Variants in TRPM3 observed in about 807,000 individuals in gnomAD.
The protein encoded by TRPM3 is long transient receptor potential channel 3.
In TRPM3, 77 loss-of-function variants were observed where a neutral mutation model predicts 181.2. That is an observed-to-expected ratio of 0.42 (90% CI 0.35 to 0.51). TRPM3 has a LOEUF of 0.51. Ranked by LOEUF, TRPM3 falls within the 20% of genes least tolerant of loss-of-function variation. The probability of loss-of-function intolerance (pLI) is 0.01; values close to 1 mark genes in which losing one functional copy is unlikely to be tolerated. For missense variants in TRPM3, 1,759 were observed against 2,196.7 expected, an observed-to-expected ratio of 0.80 and a Z score of 3.98; for synonymous variants, 745 against 796.4, an observed-to-expected ratio of 0.94 and a Z score of 1.09.
chr9:70,699,835 T>TGCAGGGGCAAA (rs2071827200), intron 8 of TRPM3, among the ~76,000 whole-genome samples: 1 of 152,106 alleles, frequency 6.6e-6, no homozygotes. Flanking sequence ...GTGGTTGTGA[T>TGCAGGGGCAAA]GCAGGGGCAA....
At chr9:71,385,579 GACC>G (rs1229402442) in intron 1 of TRPM3, among the ~76,000 whole-genome samples, 1 of 152,100 alleles carries the variant, frequency 6.6e-6, no homozygotes, top group Non-Finnish European at 1.5e-5. Flanking sequence ...GTTGCAACCA[GACC>G]ACAACACTCA....
chr9:71,309,286 A>G (rs1276078464), intron 1 of TRPM3, among the ~76,000 whole-genome samples: 1 of 152,154 alleles, frequency 6.6e-6, no homozygotes, highest in Non-Finnish European at 1.5e-5. Context: ...TTTGTTTCGT[A>G]TTCATGGCAG....
chr9:71,346,236 G>A (rs75384902), intron 1 of TRPM3, among the ~76,000 whole-genome samples: 1 of 152,034 alleles, frequency 6.6e-6, no homozygotes, highest in African/African-American at 2.4e-5. Context: ...AGGATGAATC[G>A]TTAAAGTATC....
chr9:70,605,634 T>C (rs1390427637), intron 19 of TRPM3, among the ~76,000 whole-genome samples: 3 of 152,238 alleles, frequency 2.0e-5, no homozygotes, highest in East Asian at 3.9e-4. Context: ...ACCATTATTA[T>C]ACACTGGCAT....
chr9:71,134,334 G>A (rs181658601), intron 1 of TRPM3, among the ~76,000 whole-genome samples: 2 of 151,882 alleles, frequency 1.3e-5, no homozygotes, highest in Admixed American at 6.6e-5. Context: ...GGAGGCCAAG[G>A]GGGGAGGATC....
At position 71,420,779 on chromosome 9, in the gene TRPM3, GAGAGAGAAAGAGAGAGAAAGAA is replaced by G. The variant is rs1302246763; in HGVS notation, c.183+25852_183+25873del. On this transcript the variant is annotated intron_variant, in intron 1 of 24. Coordinates refer to the TRPM3 transcript ENST00000357533. The stretch of plus-strand genomic sequence containing the variant: ...AGAAAGAGAGAGAAAGAGAGAGAAA[GAGAGAGAAAGAGAGAGAAAGAA>G]AGAGAGAAAGAAAGAGAGAAAGAGA... Among the ~76,000 whole-genome samples, 41 of 85,622 alleles carry G rather than the reference GAGAGAGAAAGAGAGAGAAAGAA, an allele frequency of 4.8e-4. 2 individuals carry two copies. The highest frequency in any genetic ancestry group is 1.7e-3 in the African/African-American group (37 of 21,288). 56.2% of individuals were successfully genotyped at this position (85,622 alleles called of 152,430 possible). A position where few individuals can be genotyped will look rare whatever the true frequency, so the allele number is the denominator to read the frequency against.
chr9:71,099,477 TA>T (rs2067929403), intron 1 of TRPM3, among the ~76,000 whole-genome samples: 1 of 152,158 alleles, frequency 6.6e-6, no homozygotes, highest in Non-Finnish European at 1.5e-5. Flanking sequence ...CCATTATATT[TA>T]ACTCATAATC....
intron 1 of TRPM3, among the ~76,000 whole-genome samples, chr9:71,231,829 C>T (rs2131908267): frequency 6.6e-6 from 1 of 152,314 alleles, no homozygotes; most frequent in East Asian, 1.9e-4. Context: ...CCACCAGGTA[C>T]TACGCTCACT....
At chr9:71,210,919 C>T (rs1327876762) in intron 1 of TRPM3, among the ~76,000 whole-genome samples, 1 of 152,214 alleles carries the variant, frequency 6.6e-6, no homozygotes, top group African/African-American at 2.4e-5. Flanking sequence ...AGAAGGCATA[C>T]ACTCTGGTGT....
At chr9:71,224,785 A>T (rs1053056762) in intron 1 of TRPM3, among the ~76,000 whole-genome samples, 7 of 149,738 alleles carry the variant, frequency 4.7e-5, no homozygotes, top group Non-Finnish European at 8.9e-5. Flanking sequence ...TCTCTAAAAG[A>T]AAAAAAAAAG....
intron 9 of TRPM3, among the ~76,000 whole-genome samples, chr9:70,681,139 C>G (rs141166026): frequency 2.0e-5 from 3 of 152,166 alleles, no homozygotes; most frequent in African/African-American, 7.2e-5. Context: ...ATCACACACA[C>G]ATATACTCAC....
At chr9:70,985,801 T>C (rs1286518817) in intron 1 of TRPM3, among the ~76,000 whole-genome samples, 1 of 152,114 alleles carries the variant, frequency 6.6e-6, no homozygotes, top group Non-Finnish European at 1.5e-5. Flanking sequence ...AATAAATCTT[T>C]TATAAAAAGA....
At chr9:70,775,520 G>A (rs567303843) in intron 7 of TRPM3, 31 of 152,284 alleles carry the variant, frequency 2.0e-4, no homozygotes, top group African/African-American at 7.5e-4. Context: ...GCAAAGGAAT[G>A]TGATCTTGAC....
At chr9:71,125,137 G>A (rs779517161), upstream of TRPM3, among the ~76,000 whole-genome samples, 7 of 152,258 alleles carry the variant, frequency 4.6e-5, no homozygotes, top group South Asian at 4.1e-4. Flanking sequence ...TAATATTAAC[G>A]TCTTGCTTGC....
At chr9:70,769,261 T>C (rs1272535746) in intron 7 of TRPM3, among the ~76,000 whole-genome samples, 1 of 152,136 alleles carries the variant, frequency 6.6e-6, no homozygotes. Context: ...CCATAAATAC[T>C]GAATCTCCCA....
At chr9:70,779,725 TCTTTAA>T (rs1374910108) in intron 7 of TRPM3, among the ~76,000 whole-genome samples, 3 of 152,226 alleles carry the variant, frequency 2.0e-5, no homozygotes, top group Admixed American at 6.5e-5. Flanking sequence ...AGCATGAATC[TCTTTAA>T]CTTTGTCATG....
intron 1 of TRPM3, among the ~76,000 whole-genome samples, chr9:71,089,746 G>C (rs1027493020): frequency 6.6e-6 from 1 of 152,112 alleles, no homozygotes; most frequent in Non-Finnish European, 1.5e-5. Context: ...AAGAAGCTCA[G>C]TGTCTCGTGA....
At chr9:70,917,044 G>A (rs530737591) in intron 1 of TRPM3, 524 of 1,586,542 alleles carry the variant, frequency 3.3e-4, no homozygotes, top group Middle Eastern at 6.7e-4. Context: ...CTGGTATGTC[G>A]CTAAGGCAAG....
At chr9:70,817,482 T>C (rs962119569) in intron 6 of TRPM3, among the ~76,000 whole-genome samples, 5 of 152,194 alleles carry the variant, frequency 3.3e-5, no homozygotes, top group African/African-American at 1.2e-4. Flanking sequence ...CCTGTCTCAT[T>C]GAAGCATCTA....
Sources: allele counts gnomAD v4.1 joint callset (sites outside exome capture counted in the v4.1 genomes callset), GRCh38; gene constraint gnomAD v4.1.1; transcripts MANE v1.5; gene names NCBI Gene and HGNC (gene_info 2026-07-23, HGNC 2026-07-21).